Variants in ZNF865 observed in about 807,000 individuals in gnomAD.
ZNF865 encodes the protein zinc finger protein 865.
For missense variants in ZNF865, 1,311 were observed against 1,593.4 expected, an observed-to-expected ratio of 0.82 and a Z score of 3.02; for synonymous variants, 763 against 750.8, an observed-to-expected ratio of 1.02 and a Z score of -0.27.
Position 55,606,814 on chromosome 19 carries a change from C to G in ZNF865, c.-27+1082C>G, listed in dbSNP as rs115218322. Among the ~76,000 whole-genome samples, 697 of 152,352 alleles carry G rather than the reference C, an allele frequency of 4.6e-3. 2 individuals carry two copies. Among genetic ancestry groups the G allele is most frequent in the African/African-American group, 0.016 (663 of 41,578 alleles). On this transcript the variant is annotated intron_variant, in intron 1 of 1. Transcript: ENST00000568956. ...AGTGTTCTCACTGTGCGGGGTCTCA[C>G]AGTCTAGTTGATCAGACACGAGTCG...
At position 55,611,932 on chromosome 19, in the gene ZNF865, G is replaced by A. The variant is rs1312231101; in HGVS notation, c.-26-1661G>A. Among the ~76,000 whole-genome samples, 1 of 152,146 alleles carries A rather than the reference G, an allele frequency of 6.6e-6. No individual in the cohort carries two copies. The highest frequency in any genetic ancestry group is 1.5e-5 in the Non-Finnish European group (1 of 68,012). ...GTACACACATGGATACCTGCCATCT[G>A]GAATGAAAAGTCGTGTAAAGGAGGT... On this transcript the variant is annotated intron_variant, in intron 1 of 1. Transcript: ENST00000568956. The surrounding 1 kb of genome is among the most constrained non-coding windows in gnomAD (Gnocchi z 4.5).
chr19:55,614,515 C>T lies in ZNF865; in HGVS notation c.897C>T (p.Pro299=). ...PHLPPLGLPA[P]AASAATAAAP... ...TCCCGCCGCTGGGCCTCCCAGCACC[C>T]GCTGCCAGCGCCGCCACCGCCGCCG... The change falls in exon 2 of 2, where the codon CCC becomes CCT. Residue 299 remains proline (P), a synonymous_variant. Coordinates refer to ENST00000568956, the MANE Select transcript of ZNF865 (RefSeq NM_001195605.2). The surrounding 1 kb of genome is among the most constrained non-coding windows in gnomAD (Gnocchi z 8.0). The T allele has an allele frequency of 7.4e-7, 1 of 1,354,382 alleles. No individual in the cohort carries two copies. Among genetic ancestry groups the T allele is most frequent in the Non-Finnish European group, 9.4e-7 (1 of 1,060,884 alleles). The allele number at this position is 1,354,382 out of a possible 1,614,324, so 83.9% of individuals were successfully genotyped here.
Position 55,614,931 on chromosome 19 carries a change from G to A in ZNF865, c.1313G>A (p.Arg438Gln), listed in dbSNP as rs1281140105. Residue 438 changes from arginine to glutamine, a missense_variant, in exon 2 of 2, where the codon CGG (arginine) becomes CAG (glutamine). By Grantham distance (43) the Arg-to-Gln change is conservative. Coordinates refer to ENST00000568956, the MANE Select transcript of ZNF865 (RefSeq NM_001195605.2). This position sits in a 1 kb window ranked among gnomAD's most constrained non-coding sequence, Gnocchi z 8.0. ...GCGGGGGCGGGCGCCGGGGGGCCTC[G>A]GCCCGTGTACCCCTGCGACCTGTGC... Reference protein sequence around the residue: ...AHAGAGAGGPRPVYPCDLCGK... With the variant: ...AHAGAGAGGPQPVYPCDLCGK... The A allele has an allele frequency of 6.7e-7, 1 of 1,486,286 alleles. No homozygotes were observed. The highest frequency in any genetic ancestry group is 8.9e-7 in the Non-Finnish European group (1 of 1,124,114). The allele number at this position is 1,486,286 out of a possible 1,614,324, so 92.1% of individuals were successfully genotyped here. A position where few individuals can be genotyped will look rare whatever the true frequency, so the allele number is the denominator to read the frequency against.
intron 1 of ZNF865, among the ~76,000 whole-genome samples, chr19:55,609,483 T>C (rs1981057627): frequency 6.6e-6 from 1 of 152,300 alleles, no homozygotes; most frequent in African/African-American, 2.4e-5. Flanking sequence ...ACATCCAGTG[T>C]TATATGCGCA....
chr19:55,614,851 C>A lies in ZNF865; in HGVS notation c.1233C>A (p.Ile411=). ...ACCTCCTGCGCCTGCCCTGCGGCAT[C>A]TGCGGGAAGGCCTTCCGCGACGCCT... is the stretch of plus-strand genomic sequence containing the variant. ...SADLLRLPCG[I]CGKAFRDASY... The change falls in exon 2 of 2, where the codon ATC becomes ATA. Residue 411 remains isoleucine, a synonymous_variant. Coordinates refer to ENST00000568956, the MANE Select transcript of ZNF865 (RefSeq NM_001195605.2). The surrounding 1 kb of genome is among the most constrained non-coding windows in gnomAD (Gnocchi z 8.0). The A allele has an allele frequency of 2.6e-6, 4 of 1,528,086 alleles. No individual in the cohort carries two copies. The highest frequency in any genetic ancestry group is 3.5e-6 in the Non-Finnish European group (4 of 1,142,606). The allele number at this position is 1,528,086 out of a possible 1,614,324, so 94.7% of individuals were successfully genotyped here. A position where few individuals can be genotyped will look rare whatever the true frequency, so the allele number is the denominator to read the frequency against.
At position 55,616,630 on chromosome 19, in the gene ZNF865, C is replaced by T; in HGVS notation, c.3012C>T (p.Phe1004=). The T allele has an allele frequency of 6.5e-7, 1 of 1,527,218 alleles. No individual in the cohort carries two copies. Among genetic ancestry groups the T allele is most frequent in the Non-Finnish European group, 8.8e-7 (1 of 1,142,608 alleles). 94.6% of individuals were successfully genotyped at this position (1,527,218 alleles called of 1,614,324 possible). The change falls in exon 2 of 2, where the codon TTC becomes TTT. Residue 1004 remains phenylalanine, a synonymous_variant. Transcript: ENST00000568956. The part of the protein sequence containing the change: ...CLKAFKDPGY[F]RKHLAAHQGG... ...AGGCCTTCAAGGATCCCGGCTACTT[C>T]CGTAAGCACCTGGCTGCCCACCAGG...
At chr19:55,607,868 C>A (rs2123582031) in intron 1 of ZNF865, among the ~76,000 whole-genome samples, 1 of 152,298 alleles carries the variant, frequency 6.6e-6, no homozygotes, top group East Asian at 1.9e-4. Context: ...CCCTCCTTTC[C>A]TAGCCTCATT....
In ZNF865 at chr19:55,616,778, T is replaced by C; in HGVS notation, c.3160T>C (p.Leu1054=). 1 of 1,446,434 alleles carries C rather than the reference T, an allele frequency of 6.9e-7. No individual in the cohort carries two copies. Among genetic ancestry groups the C allele is most frequent in the Non-Finnish European group, 9.0e-7 (1 of 1,105,530 alleles). The allele number at this position is 1,446,434 out of a possible 1,614,324, so 89.6% of individuals were successfully genotyped here. A position where few individuals can be genotyped will look rare whatever the true frequency, so the allele number is the denominator to read the frequency against. Residue 1054 remains leucine (L), a synonymous_variant, in exon 2 of 2, where the codon TTG becomes CTG. Coordinates refer to ENST00000568956, the MANE Select transcript of ZNF865 (RefSeq NM_001195605.2). ...GGGGCCTGGAGCAGGGGCGGGCACC[T>C]TGGCCGGGAAGGATGCCTGACCGAG... ...LGGPGAGAGT[L]AGKDA
chr19:55,614,430 G>T lies in ZNF865; in HGVS notation c.812G>T (p.Arg271Leu). The T allele has an allele frequency of 6.9e-7, 1 of 1,454,694 alleles. No individual in the cohort carries two copies. Among genetic ancestry groups the T allele is most frequent in the Non-Finnish European group, 9.0e-7 (1 of 1,105,806 alleles). The allele number at this position is 1,454,694 out of a possible 1,614,324, so 90.1% of individuals were successfully genotyped here. Residue 271 changes from arginine (R) to leucine (L), a missense_variant, in exon 2 of 2, where the codon CGC (arginine) becomes CTC (leucine). Physicochemically the swap from Arg to Leu is moderately radical, Grantham distance 102. Coordinates refer to ENST00000568956, the MANE Select transcript of ZNF865 (RefSeq NM_001195605.2). This position sits in a 1 kb window ranked among gnomAD's most constrained non-coding sequence, Gnocchi z 8.0. ...YNHVSSLIRH[R>L]RCHKDVPPAA... Reference sequence around the variant, plus strand: ...CACGTGTCCAGCCTCATCCGCCACCGCCGCTGCCACAAGGACGTGCCACCG... The same window carrying T: ...CACGTGTCCAGCCTCATCCGCCACCTCCGCTGCCACAAGGACGTGCCACCG...
rs756241278 is a variant in ZNF865, at chr19:55,616,529, T to C, written c.2911T>C (p.Tyr971His). The C allele has an allele frequency of 2.6e-6, 4 of 1,533,848 alleles. No individual in the cohort carries two copies. The highest frequency in any genetic ancestry group is 2.6e-6 in the Non-Finnish European group (3 of 1,146,046). The change falls in exon 2 of 2, where the codon TAC becomes CAC. Residue 971 changes from tyrosine to histidine, a missense_variant. Coordinates refer to ENST00000568956, the MANE Select transcript of ZNF865 (RefSeq NM_001195605.2). ...RCEHCGKGFF[Y>H]LSSVLRHQRA... ...TGAGCACTGCGGCAAGGGCTTCTTC[T>C]ACCTGAGCTCCGTGCTGCGCCACCA...
In ZNF865 at chr19:55,610,253, T is replaced by C. The variant is rs150465664; in HGVS notation, c.-26-3340T>C. On this transcript the variant is annotated intron_variant, in intron 1 of 1. Coordinates refer to ENST00000568956, the MANE Select transcript of ZNF865 (RefSeq NM_001195605.2). ...TTTCATTAATTGCTAAGCAGTTTTT[T>C]TGCTTTTTGTTTGTTTGTGTTTTTG... 1.9e-3 allele frequency among the ~76,000 whole-genome samples: 293 copies of C among 152,322 alleles called. 1 individual carries two copies. The highest frequency in any genetic ancestry group is 6.6e-3 in the African/African-American group (273 of 41,582).
rs572695200 is a variant in ZNF865, at chr19:55,615,592, C to G, written c.1974C>G (p.Gly658=). The change falls in exon 2 of 2, where the codon GGC becomes GGG. Residue 658 remains glycine, a synonymous_variant. Transcript: ENST00000568956. ...TPGACGPGAS[G]TSAGPTDGLS... is the part of the protein sequence containing the mutation. The stretch of plus-strand genomic sequence containing the variant: ...GGGCCTGTGGGCCCGGGGCCTCGGG[C>G]ACGTCTGCAGGGCCCACCGATGGGC... 340 of 1,531,556 alleles carry G rather than the reference C, an allele frequency of 2.2e-4. 1 individual carries two copies. The African/African-American group carries it at 4.3e-3, about 19-fold the overall frequency. 94.9% of individuals were successfully genotyped at this position (1,531,556 alleles called of 1,614,324 possible). A position where few individuals can be genotyped will look rare whatever the true frequency, so the allele number is the denominator to read the frequency against.
chr19:55,616,229 A>G lies in ZNF865; in HGVS notation c.2611A>G (p.Thr871Ala). The change falls in exon 2 of 2, where the codon ACG becomes GCG. Residue 871 changes from threonine (T) to alanine (A), a missense_variant. Physicochemically the swap from Thr to Ala is moderately conservative, Grantham distance 58. Coordinates refer to ENST00000568956, the MANE Select transcript of ZNF865 (RefSeq NM_001195605.2). ...GCTGATGCGCCACCAGCGCTGCCAC[A>G]CGGAACAGCGGCCGTACCGATGTGG... ...ALLMRHQRCHTEQRPYRCGVC... is the reference protein window; with the variant it reads ...ALLMRHQRCHAEQRPYRCGVC... 6.6e-7 allele frequency: 1 copy of G among 1,523,964 alleles called. No individual in the cohort carries two copies. Among genetic ancestry groups the G allele is most frequent in the Middle Eastern group, 1.7e-4 (1 of 5,774 alleles). The allele number at this position is 1,523,964 out of a possible 1,614,324, so 94.4% of individuals were successfully genotyped here.
Position 55,616,831 on chromosome 19 carries a change from C to A in ZNF865, c.*33C>A. 2.1e-6 allele frequency: 3 copies of A among 1,432,556 alleles called. No individual in the cohort carries two copies. The highest frequency in any genetic ancestry group is 2.2e-4 in the Middle Eastern group (1 of 4,592). 88.7% of individuals were successfully genotyped at this position (1,432,556 alleles called of 1,614,324 possible). A position where few individuals can be genotyped will look rare whatever the true frequency, so the allele number is the denominator to read the frequency against. ...GTTCCCATCCCACTCCCATCAAAAG[C>A]CCCCTTCTGGACTCCCACCTCCCAG... is the stretch of plus-strand genomic sequence containing the variant. On this transcript the variant is annotated 3_prime_UTR_variant, in exon 2 of 2. Coordinates refer to ENST00000568956, the MANE Select transcript of ZNF865 (RefSeq NM_001195605.2).
At position 55,616,184 on chromosome 19, in the gene ZNF865, C is replaced by G. The variant is rs1981352489; in HGVS notation, c.2566C>G (p.Arg856Gly). The G allele has an allele frequency of 1.3e-6, 2 of 1,518,556 alleles. No homozygotes were observed. Among genetic ancestry groups the G allele is most frequent in the Non-Finnish European group, 1.8e-6 (2 of 1,137,374 alleles). The allele number at this position is 1,518,556 out of a possible 1,614,324, so 94.1% of individuals were successfully genotyped here. ...TTTCCGCTGCCCGGTGTGCGGGAAG[C>G]GCTTCTGGGAGGCGGCCCTGCTGAT... ...RGFRCPVCGKRFWEAALLMRH... is the reference protein window; with the variant it reads ...RGFRCPVCGKGFWEAALLMRH... The change falls in exon 2 of 2, where the codon CGC becomes GGC. Residue 856 changes from arginine to glycine, a missense_variant. Arg to Gly is a moderately radical substitution (Grantham distance 125, BLOSUM62 -2). Transcript: ENST00000568956.
Position 55,616,389 on chromosome 19 carries a change from GGCTGCACGCTGTGGCCCGGCCCCAGC to G in ZNF865, c.2778_2803del (p.His926GlnfsTer29). 2 of 1,508,350 alleles carry G rather than the reference GGCTGCACGCTGTGGCCCGGCCCCAGC, an allele frequency of 1.3e-6. No individual in the cohort carries two copies. Among genetic ancestry groups the G allele is most frequent in the African/African-American group, 1.4e-5 (1 of 71,600 alleles). 93.4% of individuals were successfully genotyped at this position (1,508,350 alleles called of 1,614,324 possible). A position where few individuals can be genotyped will look rare whatever the true frequency, so the allele number is the denominator to read the frequency against. Reference sequence around the variant, plus strand: ...TCGTCCAGCCTGGCAGAGCACCGGCGGCTGCACGCTGTGGCCCGGCCCCAGCGCTGCAGCGCCTGTGGCAAGACCTT... The same window carrying G: ...TCGTCCAGCCTGGCAGAGCACCGGCGGCTGCAGCGCCTGTGGCAAGACCTT... On this transcript the variant is annotated frameshift_variant, in exon 2 of 2. Transcript: ENST00000568956. LOFTEE classifies it low-confidence loss of function (END_TRUNC).
At chr19:55,613,228 G>C (rs1981201108) in intron 1 of ZNF865, 1 of 203,274 alleles carries the variant, frequency 4.9e-6, no homozygotes, top group Admixed American at 5.9e-5. Context: ...GCAAAACCCC[G>C]TTTCTACAAA....
chr19:55,616,936 A>G lies in ZNF865; in HGVS notation c.*138A>G, dbSNP rs1981383590. On this transcript the variant is annotated 3_prime_UTR_variant, in exon 2 of 2. Transcript: ENST00000568956. Reference sequence around the variant, plus strand: ...CACGGACTGGCGACCTTCAGGGCGCACGCCCGACAGGCTCAAGACTGAATC... The same window carrying G: ...CACGGACTGGCGACCTTCAGGGCGCGCGCCCGACAGGCTCAAGACTGAATC... 4.4e-6 allele frequency: 4 copies of G among 914,532 alleles called. No homozygotes were observed. The South Asian group carries it at 6.5e-5, about 15-fold the overall frequency. 56.7% of individuals were successfully genotyped at this position (914,532 alleles called of 1,614,324 possible). A position where few individuals can be genotyped will look rare whatever the true frequency, so the allele number is the denominator to read the frequency against.
In ZNF865 at chr19:55,614,768, A is replaced by G. The variant is rs769982009; in HGVS notation, c.1150A>G (p.Ser384Gly). Residue 384 changes from serine (S) to glycine (G), a missense_variant, in exon 2 of 2, where the codon AGC becomes GGC. Physicochemically the swap from Ser to Gly is moderately conservative, Grantham distance 56. Coordinates refer to ENST00000568956, the MANE Select transcript of ZNF865 (RefSeq NM_001195605.2). This position sits in a 1 kb window ranked among gnomAD's most constrained non-coding sequence, Gnocchi z 8.0. ...GEKPFSCSVC[S>G]KSFNRRESLK... ...GAAGCCCTTCTCCTGCTCCGTGTGC[A>G]GCAAAAGCTTCAACCGCAGGGAGAG... The G allele has an allele frequency of 2.5e-6, 4 of 1,574,956 alleles. No individual in the cohort carries two copies. The highest frequency in any genetic ancestry group is 2.7e-5 in the African/African-American group (2 of 73,764).
Sources: allele counts gnomAD v4.1 joint callset (sites outside exome capture counted in the v4.1 genomes callset), GRCh38; gene constraint gnomAD v4.1.1; non-coding constraint Gnocchi (gnomAD v3.1); transcripts MANE v1.5; gene names NCBI Gene and HGNC (gene_info 2026-07-23, HGNC 2026-07-21).